Variants in FAM227A observed in about 807,000 individuals in gnomAD.
FAM227A encodes the protein protein FAM227A.
FAM227A carries 80 observed loss-of-function variants against 74.7 expected under a neutral mutation model. The ratio of observed to expected loss-of-function variants is 1.07; its 90% confidence interval spans 0.89 to 1.29. The LOEUF is 1.29. FAM227A is among the 50% of genes most tolerant of loss of function. FAM227A has a pLI of 0.00. For synonymous variants in FAM227A, 237 were observed against 241.8 expected, an observed-to-expected ratio of 0.98 and a Z score of 0.19; for missense variants, 654 against 683.4, an observed-to-expected ratio of 0.96 and a Z score of 0.48.
At chr22:38,602,518 G>C (rs1049694354) in intron 13 of FAM227A, among the ~76,000 whole-genome samples, 37 of 148,288 alleles carry the variant, frequency 2.5e-4, no homozygotes, top group African/African-American at 9.2e-4. Flanking sequence ...TGGTCACCAG[G>C]GAAATGAGTG....
At chr22:38,646,230 A>AT (rs1346242491) in intron 2 of FAM227A, among the ~76,000 whole-genome samples, 8 of 143,566 alleles carry the variant, frequency 5.6e-5, no homozygotes, top group African/African-American at 2.1e-4. Flanking sequence ...GGACTTGGGA[A>AT]TTTTCCTTCC....
intron 10 of FAM227A, among the ~76,000 whole-genome samples, chr22:38,621,925 C>T (rs554221458): frequency 6.6e-6 from 1 of 152,152 alleles, no homozygotes; most frequent in Non-Finnish European, 1.5e-5. Flanking sequence ...GAATCCCCCC[C>T]ACTGCAGTGC....
intron 16 of FAM227A, among the ~76,000 whole-genome samples, chr22:38,588,764 C>CAAA (rs34469783): frequency 7.8e-6 from 1 of 128,442 alleles, no homozygotes. Context: ...ACTAAAAATA[C>CAAA]AAAAAAAAAA....
At chr22:38,605,710 G>T (rs937867074) in intron 12 of FAM227A, among the ~76,000 whole-genome samples, 1 of 152,096 alleles carries the variant, frequency 6.6e-6, no homozygotes, top group Non-Finnish European at 1.5e-5. Flanking sequence ...TTTGATACAT[G>T]GGTCTTTGTG....
Position 38,579,085 on chromosome 22 carries a change from C to T in FAM227A, c.*7040G>A, listed in dbSNP as rs943356665. On this transcript the variant is annotated 3_prime_UTR_variant, in exon 17 of 17. Coordinates refer to ENST00000535113, the MANE Select transcript of FAM227A (RefSeq NM_001013647.2). The stretch of plus-strand genomic sequence containing the variant: ...CTGGCTCCAGTGACCATGCTCTTAA[C>T]TGACATGCTAAACCACTATATGGCA... The T allele has an allele frequency of 2.0e-5, 3 of 152,208 alleles. No individual in the cohort carries two copies. Among genetic ancestry groups the T allele is most frequent in the Non-Finnish European group, 4.4e-5 (3 of 68,040 alleles). The allele number at this position is 152,208 out of a possible 1,614,324, so 9.4% of individuals were successfully genotyped here. A position where few individuals can be genotyped will look rare whatever the true frequency, so the allele number is the denominator to read the frequency against.
At chr22:38,602,567 T>A (rs1357885593) in intron 13 of FAM227A, among the ~76,000 whole-genome samples, 1 of 152,254 alleles carries the variant, frequency 6.6e-6, no homozygotes, top group Non-Finnish European at 1.5e-5. Flanking sequence ...GTAAATTGAT[T>A]CACTTCAAAG....
At chr22:38,639,830 G>A in intron 3 of FAM227A, 106 bp from the exon 4 acceptor site, 5 of 797,488 alleles carry the variant, frequency 6.3e-6, no homozygotes, top group Non-Finnish European at 1.1e-5. Context: ...AAAAGACCTG[G>A]AGCAAAGTTT....
At position 38,628,954 on chromosome 22, in the gene FAM227A, C is replaced by CATT; in HGVS notation, c.520-20_520-19insAAT. ...AGAAATGCTTGGAAAAAAAAATTCA[C>CATT]AGTATTATTATTGTTGTTATCTTTT... On this transcript the variant is annotated intron_variant, in intron 6 of 16. Coordinates refer to ENST00000535113, the MANE Select transcript of FAM227A (RefSeq NM_001013647.2). The CATT allele has an allele frequency of 1.5e-6, 2 of 1,368,982 alleles. No individual in the cohort carries two copies. Among genetic ancestry groups the CATT allele is most frequent in the Non-Finnish European group, 2.0e-6 (2 of 998,354 alleles). The allele number at this position is 1,368,982 out of a possible 1,614,324, so 84.8% of individuals were successfully genotyped here.
At position 38,583,799 on chromosome 22, in the gene FAM227A, A is replaced by C. The variant is rs1398512222; in HGVS notation, c.*2326T>G. The C allele has an allele frequency of 6.6e-6, 1 of 152,206 alleles. No homozygotes were observed. The highest frequency in any genetic ancestry group is 2.4e-5 in the African/African-American group (1 of 41,436). 9.4% of individuals were successfully genotyped at this position (152,206 alleles called of 1,614,324 possible). ...ATGAGTAATAGCCTCCAAGGGGGTC[A>C]CCTAGAGTTCTACTCAGGATTCAAG... On this transcript the variant is annotated 3_prime_UTR_variant, in exon 17 of 17. Coordinates refer to ENST00000535113, the MANE Select transcript of FAM227A (RefSeq NM_001013647.2).
Position 38,582,713 on chromosome 22 carries a change from G to A in FAM227A, c.*3412C>T. On this transcript the variant is annotated 3_prime_UTR_variant, in exon 17 of 17. Transcript: ENST00000535113. Reference sequence around the variant, plus strand: ...AGAAATGCAGTTTGTCCTGGGCTTAGAAAATAAGGAGACCTTCTTGCTGTA... The same window carrying A: ...AGAAATGCAGTTTGTCCTGGGCTTAAAAAATAAGGAGACCTTCTTGCTGTA... 2.7e-6 allele frequency: 3 copies of A among 1,115,132 alleles called. No homozygotes were observed. Among genetic ancestry groups the A allele is most frequent in the Non-Finnish European group, 3.8e-6 (3 of 783,568 alleles). The allele number at this position is 1,115,132 out of a possible 1,614,324, so 69.1% of individuals were successfully genotyped here.
rs536732059 is a variant in FAM227A at position 38,656,374 on chromosome 22, C to G, written c.-349G>C. The G allele has an allele frequency of 1.3e-5, 2 of 152,302 alleles. No individual in the cohort carries two copies. The highest frequency in any genetic ancestry group is 2.4e-5 in the African/African-American group (1 of 41,464). 9.4% of individuals were successfully genotyped at this position (152,302 alleles called of 1,614,324 possible). A position where few individuals can be genotyped will look rare whatever the true frequency, so the allele number is the denominator to read the frequency against. ...CCGTTTAGCATAACAATGGAACCTT[C>G]GTGAGCCGCCGCGTTGTCCGCGAGA... On this transcript the variant is annotated 5_prime_UTR_variant, in exon 1 of 17. Transcript: ENST00000535113.
intron 5 of FAM227A, 131 bp from the exon 6 acceptor site, chr22:38,636,728 T>A (rs141918925): frequency 1.3e-6 from 1 of 783,170 alleles, no homozygotes; most frequent in Non-Finnish European, 1.9e-6. Flanking sequence ...GAGGGGTGTT[T>A]AGGATCCTAG....
intron 13 of FAM227A, among the ~76,000 whole-genome samples, chr22:38,604,338 C>A (rs1245075274): frequency 6.6e-6 from 1 of 151,996 alleles, no homozygotes; most frequent in Non-Finnish European, 1.5e-5. Context: ...AAAACAAAAA[C>A]AAAAAAACAA....
rs1053752945 is a variant in FAM227A at position 38,586,216 on chromosome 22, C to A, written c.1639-17G>T. 2 of 1,543,976 alleles carry A rather than the reference C, an allele frequency of 1.3e-6. No homozygotes were observed. The highest frequency in any genetic ancestry group is 1.7e-4 in the Middle Eastern group (1 of 5,924). On this transcript the variant is annotated splice_polypyrimidine_tract_variant and intron_variant, in intron 16 of 16. Transcript: ENST00000535113. Reference sequence around the variant, plus strand: ...TTTCCCCTCCTGTGGGGGAAACAAACGAACAAAAACAAAAATTAATTTAAA... The same window carrying A: ...TTTCCCCTCCTGTGGGGGAAACAAAAGAACAAAAACAAAAATTAATTTAAA...
intron 5 of FAM227A, 26 bp downstream of exon 5, chr22:38,638,720 A>C (rs1294922286): frequency 6.6e-6 from 10 of 1,508,844 alleles, no homozygotes; most frequent in African/African-American, 1.4e-5. Flanking sequence ...GCCGGTCAGA[A>C]ACAGACACAG....
chr22:38,624,094 C>T (rs1309488898), intron 9 of FAM227A, among the ~76,000 whole-genome samples: 4 of 152,082 alleles, frequency 2.6e-5, no homozygotes, highest in Non-Finnish European at 5.9e-5. Context: ...GTCAAAGACC[C>T]AGCTTTGGAG....
intron 11 of FAM227A, among the ~76,000 whole-genome samples, chr22:38,617,187 A>G (rs749839004): frequency 3.3e-5 from 5 of 151,974 alleles, no homozygotes; most frequent in Non-Finnish European, 7.4e-5. Flanking sequence ...GCAAGAAGGC[A>G]CCATGGTTGT....
intron 11 of FAM227A, among the ~76,000 whole-genome samples, chr22:38,613,184 TAA>T (rs1491266513): frequency 5.1e-5 from 4 of 78,602 alleles, no homozygotes; most frequent in East Asian, 3.1e-4. Flanking sequence ...ATATTATATA[TAA>T]TATATATATA....
chr22:38,651,781 G>A (rs1370012549), intron 1 of FAM227A, among the ~76,000 whole-genome samples: 4 of 138,884 alleles, frequency 2.9e-5, no homozygotes, highest in Non-Finnish European at 6.3e-5. Context: ...TATCTACCCT[G>A]TGGCAAGCAA....
Sources: allele counts gnomAD v4.1 joint callset (sites outside exome capture counted in the v4.1 genomes callset), GRCh38; gene constraint gnomAD v4.1.1; transcripts MANE v1.5; gene names NCBI Gene and HGNC (gene_info 2026-07-23, HGNC 2026-07-21).